The following TTLL11 variants were observed in gnomAD, a reference collection of about 807,000 sequenced individuals.
The protein encoded by TTLL11 is tubulin polyglutamylase TTLL11.
Under a neutral mutation model 51.7 loss-of-function variants are expected in TTLL11, and 42 were observed. That is an observed-to-expected ratio of 0.81 (90% CI 0.64 to 1.05). The LOEUF (loss-of-function observed/expected upper bound fraction) is 1.05, where lower values mean the gene tolerates loss of function less well. TTLL11 is among the 50% of genes least tolerant of loss of function. The probability of loss-of-function intolerance (pLI) is 0.00; values close to 1 mark genes in which losing one functional copy is unlikely to be tolerated. For synonymous variants in TTLL11, 381 were observed against 383.5 expected (o/e 0.99, Z 0.08); for missense variants, 799 against 940.4 (o/e 0.85, Z 1.97).
At position 122,056,343 on chromosome 9, in the gene TTLL11, GCTA is replaced by G. The variant is rs1196517841; in HGVS notation, c.463-16978_463-16976del. 4.6e-5 allele frequency among the ~76,000 whole-genome samples: 7 copies of G among 152,202 alleles called. No individual in the cohort carries two copies. The East Asian group carries it at 7.7e-4, about 17-fold the overall frequency. On this transcript the variant is annotated intron_variant, in intron 1 of 8. Coordinates refer to ENST00000321582, the MANE Select transcript of TTLL11 (RefSeq NM_001139442.2). ...AATTTCTGTAATAATAATGAAAATG[GCTA>G]CTATTTATGTGCTGTGTATATTACA... is the stretch of plus-strand genomic sequence containing the variant.
intron 8 of TTLL11, among the ~76,000 whole-genome samples, chr9:121,852,227 G>A (rs1183318149): frequency 2.0e-5 from 3 of 152,236 alleles, no homozygotes; most frequent in Non-Finnish European, 2.9e-5. Context: ...CAGGAAGGAT[G>A]GTGGTGGTTA....
intron 6 of TTLL11, among the ~76,000 whole-genome samples, chr9:121,904,080 G>A (rs1449399060): frequency 6.6e-6 from 1 of 152,134 alleles, no homozygotes; most frequent in Non-Finnish European, 1.5e-5. Flanking sequence ...GTTCTCTTGG[G>A]GGAACAGCAT....
intron 6 of TTLL11, among the ~76,000 whole-genome samples, chr9:121,880,361 T>G (rs1359692020): frequency 6.6e-6 from 1 of 152,160 alleles, no homozygotes; most frequent in Non-Finnish European, 1.5e-5. Context: ...TCCCTCCTTT[T>G]ATAAATGATC....
chr9:121,907,776 C>A (rs138587761), intron 6 of TTLL11, among the ~76,000 whole-genome samples: 20 of 152,200 alleles, frequency 1.3e-4, no homozygotes, highest in African/African-American at 3.9e-4. Flanking sequence ...TCTGTGGTGG[C>A]TCGCCATGAA....
intron 7 of TTLL11, among the ~76,000 whole-genome samples, chr9:121,867,317 A>G (rs1838207703): frequency 6.6e-6 from 1 of 152,214 alleles, no homozygotes; most frequent in Non-Finnish European, 1.5e-5. Context: ...ATATGAGCCC[A>G]GGAGCAGCCT....
At chr9:122,026,705 T>C (rs965484132) in intron 3 of TTLL11, among the ~76,000 whole-genome samples, 6 of 151,852 alleles carry the variant, frequency 4.0e-5, no homozygotes, top group African/African-American at 1.2e-4. Flanking sequence ...CACTTAGTAA[T>C]TAAAAAGGAA....
chr9:122,027,755 G>A (rs1844392708), intron 3 of TTLL11, among the ~76,000 whole-genome samples: 1 of 152,186 alleles, frequency 6.6e-6, no homozygotes, highest in Non-Finnish European at 1.5e-5. Context: ...TGAGAAATGT[G>A]TTGATGCAAA....
chr9:122,062,317 A>C (rs1845458181), intron 1 of TTLL11, among the ~76,000 whole-genome samples: 1 of 152,116 alleles, frequency 6.6e-6, no homozygotes, highest in African/African-American at 2.4e-5. Context: ...TGCTAGGAAA[A>C]GCCAAGCTTC....
intron 4 of TTLL11, among the ~76,000 whole-genome samples, chr9:121,976,623 A>T (rs1042911601): frequency 1.3e-5 from 2 of 152,224 alleles, no homozygotes; most frequent in Admixed American, 6.5e-5. Flanking sequence ...TAGTCTATAT[A>T]GAATATGCAT....
intron 6 of TTLL11, among the ~76,000 whole-genome samples, chr9:121,898,184 G>A (rs1287968198): frequency 6.6e-6 from 1 of 152,162 alleles, no homozygotes; most frequent in Non-Finnish European, 1.5e-5. Flanking sequence ...AAAGTGCTGG[G>A]ATTACAGGCA....
intron 3 of TTLL11, among the ~76,000 whole-genome samples, chr9:122,004,413 G>C (rs1022433458): frequency 6.6e-6 from 1 of 151,590 alleles, no homozygotes; most frequent in Non-Finnish European, 1.5e-5. Context: ...GCAATGGTGC[G>C]ATCTCTGTTC....
intron 8 of TTLL11, among the ~76,000 whole-genome samples, chr9:121,831,381 T>C (rs1235526184): frequency 6.6e-6 from 1 of 152,134 alleles, no homozygotes; most frequent in East Asian, 1.9e-4. Context: ...AAGGGCTCTA[T>C]CGGAGTCAGT....
intron 1 of TTLL11, among the ~76,000 whole-genome samples, chr9:122,071,515 G>C (rs1049716369): frequency 6.6e-6 from 1 of 152,132 alleles, no homozygotes; most frequent in Non-Finnish European, 1.5e-5. Flanking sequence ...GCCTCTTTGG[G>C]CCACTCCCTC....
chr9:121,870,756 A>G lies in TTLL11; in HGVS notation c.1482-8T>C, dbSNP rs1028104871. On this transcript the variant is annotated splice_polypyrimidine_tract_variant and splice_region_variant and intron_variant, in intron 6 of 8. Coordinates refer to ENST00000321582, the MANE Select transcript of TTLL11 (RefSeq NM_001139442.2). ...TTTTCAAGCTGCTGAGACCTGAAGC[A>G]CACAAAGAATTAATGATATAACACT... The G allele has an allele frequency of 2.0e-6, 3 of 1,533,140 alleles. No homozygotes were observed. The highest frequency in any genetic ancestry group is 2.6e-6 in the Non-Finnish European group (3 of 1,136,786). The allele number at this position is 1,533,140 out of a possible 1,614,324, so 95.0% of individuals were successfully genotyped here.
rs1464331513 is a variant in TTLL11 at position 122,012,914 on chromosome 9, T to C, written c.693+18809A>G. 2.0e-5 allele frequency among the ~76,000 whole-genome samples: 3 copies of C among 152,230 alleles called. No homozygotes were observed. The East Asian group carries it at 5.8e-4, about 29-fold the overall frequency. On this transcript the variant is annotated intron_variant, in intron 3 of 8. Coordinates refer to ENST00000321582, the MANE Select transcript of TTLL11 (RefSeq NM_001139442.2). ...TTCTTAGCTCCAGCTTAGATTTCCA[T>C]TTGAAACTGCAAATCCTTTCTTAAT...
At chr9:121,924,440 T>A (rs942298779) in intron 6 of TTLL11, among the ~76,000 whole-genome samples, 1 of 152,260 alleles carries the variant, frequency 6.6e-6, no homozygotes, top group African/African-American at 2.4e-5. Flanking sequence ...TTCTGTATGC[T>A]GCCTAATGTT....
chr9:121,994,900 A>C (rs1843209441), intron 3 of TTLL11, among the ~76,000 whole-genome samples: 1 of 152,358 alleles, frequency 6.6e-6, no homozygotes, highest in South Asian at 2.1e-4. Flanking sequence ...AGGTTTGGGA[A>C]ATATTTTGGA....
At chr9:121,935,131 G>GT (rs1217817755) in intron 6 of TTLL11, among the ~76,000 whole-genome samples, 1 of 130,170 alleles carries the variant, frequency 7.7e-6, no homozygotes, top group Non-Finnish European at 1.6e-5. Context: ...TTTTTTTTTT[G>GT]TATTTTTAGT....
chr9:121,970,728 G>A (rs1394082053), intron 6 of TTLL11, among the ~76,000 whole-genome samples: 1 of 152,192 alleles, frequency 6.6e-6, no homozygotes, highest in African/African-American at 2.4e-5. Context: ...TGGAGAAATA[G>A]GAACACTTTT....
Sources: gnomAD v4.1 joint callset for allele counts (sites outside exome capture counted in the v4.1 genomes callset) on GRCh38, gnomAD v4.1.1 for gene constraint, MANE v1.5 for transcripts, NCBI Gene and HGNC (gene_info 2026-07-23, HGNC 2026-07-21) for gene names.